FBXL7: variants seen among roughly 807,000 people sequenced by gnomAD.
FBXL7 encodes F-box and leucine rich repeat protein 7.
In FBXL7, 12 loss-of-function variants were observed where a neutral mutation model predicts 38.3. The ratio of observed to expected loss-of-function variants is 0.31; its 90% CI spans 0.20 to 0.51. The LOEUF is 0.51. Ranked by LOEUF, FBXL7 falls within the 20% of genes least tolerant of loss-of-function variation. The pLI, the probability that FBXL7 is intolerant of heterozygous loss-of-function variation, is 0.98. For synonymous variants in FBXL7, 297 were observed against 300.9 expected, an observed-to-expected ratio of 0.99 and a Z score of 0.13; for missense variants, 567 against 676.4, an observed-to-expected ratio of 0.84 and a Z score of 1.79.
chr5:15,683,153 G>A (rs908758222), intron 2 of FBXL7, among the ~76,000 whole-genome samples: 1 of 152,126 alleles, frequency 6.6e-6, no homozygotes, highest in African/African-American at 2.4e-5. Context: ...ACAGCTTCGG[G>A]GCAACTAGAA....
chr5:15,524,014 TG>T (rs1737181038), intron 1 of FBXL7, among the ~76,000 whole-genome samples: 1 of 152,194 alleles, frequency 6.6e-6, no homozygotes, highest in Non-Finnish European at 1.5e-5. Flanking sequence ...TTAATTTGGG[TG>T]TTAGGGGAGA....
At chr5:15,604,700 C>T (rs1209201424) in intron 1 of FBXL7, among the ~76,000 whole-genome samples, 3 of 152,118 alleles carry the variant, frequency 2.0e-5, no homozygotes, top group East Asian at 1.9e-4. Flanking sequence ...TTAGCTAACT[C>T]GACTTAAATG....
At chr5:15,613,540 A>G (rs930067835) in intron 1 of FBXL7, among the ~76,000 whole-genome samples, 2 of 152,176 alleles carry the variant, frequency 1.3e-5, no homozygotes, top group African/African-American at 4.8e-5. Context: ...TTCAGAGCCT[A>G]AGTCCCAATG....
At chr5:15,609,252 G>A (rs1455756088) in intron 1 of FBXL7, among the ~76,000 whole-genome samples, 2 of 152,176 alleles carry the variant, frequency 1.3e-5, no homozygotes, top group Non-Finnish European at 2.9e-5. Flanking sequence ...TCAAGCCGCT[G>A]CCTGCTTCTC....
chr5:15,868,391 T>G (rs1032275744), intron 2 of FBXL7, among the ~76,000 whole-genome samples: 11 of 152,180 alleles, frequency 7.2e-5, no homozygotes, highest in Admixed American at 5.2e-4. Flanking sequence ...AATTATAAAT[T>G]TGCATGTGTT....
chr5:15,749,369 G>A (rs1459586384), intron 2 of FBXL7, among the ~76,000 whole-genome samples: 1 of 152,084 alleles, frequency 6.6e-6, no homozygotes, highest in African/African-American at 2.4e-5. Flanking sequence ...GCTCACGCCT[G>A]TAATCCCAGC....
chr5:15,845,048 C>G (rs1738855617), intron 2 of FBXL7, among the ~76,000 whole-genome samples: 1 of 152,224 alleles, frequency 6.6e-6, no homozygotes, highest in African/African-American at 2.4e-5. Context: ...CTGTGCTGTG[C>G]TTCCAGACAT....
intron 2 of FBXL7, among the ~76,000 whole-genome samples, chr5:15,903,594 A>G (rs150551637): frequency 3.3e-5 from 5 of 152,260 alleles, no homozygotes; most frequent in Non-Finnish European, 7.3e-5. Context: ...AGGTTAGAAA[A>G]CTTGACAGTA....
intron 1 of FBXL7, among the ~76,000 whole-genome samples, chr5:15,598,697 CAGAG>C (rs1344662856): frequency 6.6e-6 from 1 of 151,994 alleles, no homozygotes; most frequent in African/African-American, 2.4e-5. Context: ...TGGTTATATC[CAGAG>C]AGAGAGAAAG....
At chr5:15,549,772 G>C (rs562555450) in intron 1 of FBXL7, among the ~76,000 whole-genome samples, 3 of 152,298 alleles carry the variant, frequency 2.0e-5, no homozygotes, top group Admixed American at 2.0e-4. Flanking sequence ...CTTTCAAAAA[G>C]TTTTTGCATG....
At chr5:15,622,530 G>A (rs1391492746) in intron 2 of FBXL7, among the ~76,000 whole-genome samples, 2 of 152,096 alleles carry the variant, frequency 1.3e-5, no homozygotes, top group Non-Finnish European at 2.9e-5. Context: ...GTGAGAACAT[G>A]CGGTGTTTGG....
chr5:15,743,991 C>A (rs551057581), intron 2 of FBXL7, among the ~76,000 whole-genome samples: 1 of 152,204 alleles, frequency 6.6e-6, no homozygotes, highest in Non-Finnish European at 1.5e-5. Flanking sequence ...AGTCCCAAGG[C>A]TGCACACATC....
In FBXL7 at chr5:15,703,637, G is replaced by C. The variant is rs114732291; in HGVS notation, c.127+87565G>C. On this transcript the variant is annotated intron_variant, in intron 2 of 3. Transcript: ENST00000504595. ...TAGAATATATTAATATTTTTAAACA[G>C]ATTATGTGTCCTAGGAATTTCATGA... Among the ~76,000 whole-genome samples the C allele has an allele frequency of 2.5e-3, 385 of 152,262 alleles. 6 individuals are homozygous for C. The highest frequency in any genetic ancestry group is 8.5e-3 in the African/African-American group (353 of 41,554).
intron 1 of FBXL7, among the ~76,000 whole-genome samples, chr5:15,565,337 A>G (rs189662007): frequency 1.6e-4 from 24 of 152,234 alleles, no homozygotes; most frequent in African/African-American, 5.8e-4. Flanking sequence ...TCATTCAGCC[A>G]AACTAACTCA....
intron 2 of FBXL7, among the ~76,000 whole-genome samples, chr5:15,766,187 CG>C (rs1304480315): frequency 6.6e-6 from 1 of 152,182 alleles, no homozygotes; most frequent in Non-Finnish European, 1.5e-5. Context: ...TCCCCAAATA[CG>C]GAATGCCTTA....
chr5:15,749,885 C>T (rs1736112385), intron 2 of FBXL7, among the ~76,000 whole-genome samples: 1 of 152,178 alleles, frequency 6.6e-6, no homozygotes, highest in African/African-American at 2.4e-5. Context: ...AAATCTTCCT[C>T]ATTAGGCAGA....
chr5:15,653,817 G>A (rs1561071137), intron 2 of FBXL7, among the ~76,000 whole-genome samples: 1 of 152,168 alleles, frequency 6.6e-6, no homozygotes, highest in Non-Finnish European at 1.5e-5. Context: ...TTTATCTACA[G>A]TAATCTCATC....
At chr5:15,564,557 A>G (rs1738509783) in intron 1 of FBXL7, among the ~76,000 whole-genome samples, 1 of 152,086 alleles carries the variant, frequency 6.6e-6, no homozygotes, top group Non-Finnish European at 1.5e-5. Context: ...ATAGCAGGAA[A>G]TGAAAAAGGA....
chr5:15,905,130 T>C (rs1239425664), intron 2 of FBXL7, among the ~76,000 whole-genome samples: 1 of 152,222 alleles, frequency 6.6e-6, no homozygotes, highest in African/African-American at 2.4e-5. Flanking sequence ...AACTTGGCCA[T>C]TTTGCAAGAC....
Sources: allele counts gnomAD v4.1 joint callset (sites outside exome capture counted in the v4.1 genomes callset), GRCh38; gene constraint gnomAD v4.1.1; transcripts MANE v1.5; gene names NCBI Gene and HGNC (gene_info 2026-07-23, HGNC 2026-07-21).